The following FRMD4A variants were observed in gnomAD, a reference collection of about 807,000 sequenced individuals.
FRMD4A encodes the protein FERM domain-containing protein 4A.
Under a neutral mutation model 129.1 loss-of-function variants are expected in FRMD4A, and 29 were observed. The observed-to-expected ratio is 0.22, with a 90% CI of 0.17 to 0.31. FRMD4A has a LOEUF of 0.31. FRMD4A is among the 10% of genes least tolerant of loss of function. The pLI, the probability that FRMD4A is intolerant of heterozygous loss-of-function variation, is 1.00. For synonymous variants in FRMD4A, 634 were observed against 571.6 expected (o/e 1.11, Z -1.56); for missense variants, 1,272 against 1,375.8 (o/e 0.92, Z 1.19).
chr10:13,694,384 T>A (rs765693129), intron 14 of FRMD4A, among the ~76,000 whole-genome samples: 64 of 152,172 alleles, frequency 4.2e-4, no homozygotes, highest in Non-Finnish European at 8.4e-4. Context: ...TAGATGCCAC[T>A]CACCACCCAG....
chr10:14,294,253 A>T (rs768878262), intron 2 of FRMD4A, among the ~76,000 whole-genome samples: 15 of 152,186 alleles, frequency 9.9e-5, no homozygotes, highest in Non-Finnish European at 1.9e-4. Flanking sequence ...GTATTTTCTG[A>T]TTCTTTAATA....
chr10:13,882,584 C>A (rs1016029388), intron 2 of FRMD4A, among the ~76,000 whole-genome samples: 4 of 152,154 alleles, frequency 2.6e-5, no homozygotes, highest in African/African-American at 9.7e-5. Flanking sequence ...AACCCAGAAT[C>A]AGCCATTTCA....
At chr10:14,031,205 A>G (rs1833225586) in intron 2 of FRMD4A, among the ~76,000 whole-genome samples, 4 of 152,076 alleles carry the variant, frequency 2.6e-5, no homozygotes, top group African/African-American at 9.7e-5. Context: ...TTTGTTTGCT[A>G]GGGTTCAAAT....
intron 2 of FRMD4A, among the ~76,000 whole-genome samples, chr10:13,904,063 G>A (rs1327070166): frequency 6.6e-6 from 1 of 152,138 alleles, no homozygotes; most frequent in East Asian, 1.9e-4. Flanking sequence ...CTCACACCCC[G>A]AGTGAAGCTG....
At chr10:13,965,443 C>G (rs956879553) in intron 2 of FRMD4A, among the ~76,000 whole-genome samples, 1 of 152,192 alleles carries the variant, frequency 6.6e-6, no homozygotes, top group Non-Finnish European at 1.5e-5. Flanking sequence ...CTCCTGGACA[C>G]AGGTGGCAGT....
intron 2 of FRMD4A, among the ~76,000 whole-genome samples, chr10:14,100,978 G>A (rs945975152): frequency 9.2e-5 from 14 of 152,162 alleles, no homozygotes; most frequent in African/African-American, 3.1e-4. Context: ...TGGGTTGGAT[G>A]GAGCTGTGAT....
chr10:13,933,701 T>C (rs1222514777), intron 2 of FRMD4A, among the ~76,000 whole-genome samples: 1 of 152,198 alleles, frequency 6.6e-6, no homozygotes, highest in African/African-American at 2.4e-5. Context: ...GAAGTTTTGT[T>C]GTTTTTGTTG....
chr10:14,144,587 C>T (rs1480611828), intron 2 of FRMD4A, among the ~76,000 whole-genome samples: 1 of 152,138 alleles, frequency 6.6e-6, no homozygotes, highest in Non-Finnish European at 1.5e-5. Flanking sequence ...TTTCTACCTA[C>T]TGTCTGTGGC....
chr10:14,202,891 G>A lies in FRMD4A; in HGVS notation c.45+127167C>T, dbSNP rs140470614. Among the ~76,000 whole-genome samples, 917 of 152,202 alleles carry A rather than the reference G, an allele frequency of 6.0e-3. 19 individuals carry two copies. The highest frequency in any genetic ancestry group is 0.055 in the South Asian group (267 of 4,820). Reference sequence around the variant, plus strand: ...AGGCTCAAGTGATCCTCCCACTTCAGCCTCCACAATAGCTGGGACTACAAG... The same window carrying A: ...AGGCTCAAGTGATCCTCCCACTTCAACCTCCACAATAGCTGGGACTACAAG... On this transcript the variant is annotated intron_variant, in intron 2 of 24. Coordinates refer to ENST00000357447, the MANE Select transcript of FRMD4A (RefSeq NM_018027.5).
chr10:13,902,508 A>T (rs951781195), intron 2 of FRMD4A, among the ~76,000 whole-genome samples: 1 of 149,498 alleles, frequency 6.7e-6, no homozygotes, highest in African/African-American at 2.5e-5. Context: ...AGATGAGCCA[A>T]CTGAGCCAAC....
chr10:14,246,621 G>A (rs951515562), intron 2 of FRMD4A, among the ~76,000 whole-genome samples: 1 of 152,036 alleles, frequency 6.6e-6, no homozygotes, highest in Non-Finnish European at 1.5e-5. Context: ...GCACACACAC[G>A]CACATACAGC....
At chr10:13,972,111 C>G in intron 2 of FRMD4A, 1 of 1,090,890 alleles carries the variant, frequency 9.2e-7, no homozygotes, top group Non-Finnish European at 1.1e-6. Flanking sequence ...CAGATAACGG[C>G]ACATCCCTGT....
intron 2 of FRMD4A, among the ~76,000 whole-genome samples, chr10:14,137,458 C>G (rs1335849764): frequency 2.0e-5 from 3 of 152,188 alleles, no homozygotes; most frequent in Admixed American, 6.5e-5. Flanking sequence ...TCTTCCTCTC[C>G]CATTGAGATT....
chr10:14,191,273 A>G (rs1842308259), intron 2 of FRMD4A, among the ~76,000 whole-genome samples: 1 of 152,220 alleles, frequency 6.6e-6, no homozygotes, highest in Non-Finnish European at 1.5e-5. Flanking sequence ...TGGGAATCCC[A>G]AACAGAAAGG....
chr10:13,654,278 C>A, intron 23 of FRMD4A, 138 bp downstream of exon 23: 1 of 693,482 alleles, frequency 1.4e-6, no homozygotes, highest in Non-Finnish European at 2.6e-6. Context: ...GATCATGGGG[C>A]TTCTCTTGAA....
chr10:13,657,102 G>C lies in FRMD4A; in HGVS notation c.2487C>G (p.Ser829Arg). The change falls in exon 22 of 25, where the codon AGC (serine) becomes AGG (arginine). Residue 829 changes from serine to arginine, a missense_variant. Ser to Arg is a moderately radical substitution (Grantham distance 110). Transcript: ENST00000357447. ...GGTACTCCTTGATGCGGTACTGCGAGCTGGGCTGGCTCTGGCTGTGCAGGT... is the reference window on the plus strand; with the variant it reads ...GGTACTCCTTGATGCGGTACTGCGACCTGGGCTGGCTCTGGCTGTGCAGGT... ...GVYLHSQSQP[S>R]SQYRIKEYPL... 6.4e-7 allele frequency: 1 copy of C among 1,566,378 alleles called. No individual in the cohort carries two copies. The highest frequency in any genetic ancestry group is 8.6e-7 in the Non-Finnish European group (1 of 1,162,562).
chr10:14,153,795 GACAGAACCTTCTCTTTCCTTCTCATAGC>G (rs1840461805), intron 2 of FRMD4A, among the ~76,000 whole-genome samples: 1 of 152,178 alleles, frequency 6.6e-6, no homozygotes, highest in Admixed American at 6.5e-5. Context: ...GGCAGAATAA[GACAGAACCTTCTCTTTCCTTCTCATAGC>G]ACGGCCTCCC....
At chr10:13,874,169 C>T (rs2094466716) in intron 2 of FRMD4A, among the ~76,000 whole-genome samples, 1 of 147,006 alleles carries the variant, frequency 6.8e-6, no homozygotes, top group South Asian at 2.1e-4. Flanking sequence ...TCGCTTGAAC[C>T]TGCCAGGCGC....
At chr10:13,804,847 C>A (rs1204910216) in intron 4 of FRMD4A, among the ~76,000 whole-genome samples, 2 of 151,698 alleles carry the variant, frequency 1.3e-5, no homozygotes, top group Admixed American at 6.6e-5. Context: ...TGTGAACCAC[C>A]GTGCTCAGCC....
Sources: allele counts gnomAD v4.1 joint callset (sites outside exome capture counted in the v4.1 genomes callset), GRCh38; gene constraint gnomAD v4.1.1; transcripts MANE v1.5; gene names NCBI Gene and HGNC (gene_info 2026-07-23, HGNC 2026-07-21).